Variants in HIVEP1 observed in about 807,000 individuals in gnomAD.
HIVEP1 encodes zinc finger protein 40.
HIVEP1 carries 36 observed loss-of-function variants against 180.0 expected under a neutral mutation model. The ratio of observed to expected loss-of-function variants is 0.20; its 90% CI spans 0.15 to 0.26. The LOEUF (loss-of-function observed/expected upper bound fraction) is 0.26, where lower values mean the gene tolerates loss of function less well. HIVEP1 is among the 10% of genes least tolerant of loss of function. The probability of loss-of-function intolerance (pLI) is 1.00; values close to 1 mark genes in which losing one functional copy is unlikely to be tolerated. For synonymous variants in HIVEP1, 1,239 were observed against 1,239.0 expected (o/e 1.00, Z 0.00); for missense variants, 3,143 against 3,268.7 (o/e 0.96, Z 0.94).
At chr6:12,041,382 A>G (rs1406342520) in intron 2 of HIVEP1, among the ~76,000 whole-genome samples, 1 of 132,678 alleles carries the variant, frequency 7.5e-6, no homozygotes, top group Non-Finnish European at 1.6e-5. Context: ...AGATCCCGCC[A>G]TTGCACTCCA....
In HIVEP1 at chr6:12,122,361, C is replaced by T. The variant is rs1257259334; in HGVS notation, c.2566C>T (p.Pro856Ser). Residue 856 changes from proline to serine, a missense_variant, in exon 4 of 9, where the codon CCT becomes TCT. Physicochemically the swap from Pro to Ser is moderately conservative, Grantham distance 74 (BLOSUM62 -1). Around this residue, in one of 12 missense-constraint regions of HIVEP1, gnomAD observed 204 missense variants for 243.7 expected, o/e 0.84. Coordinates refer to ENST00000379388, the MANE Select transcript of HIVEP1 (RefSeq NM_002114.4). ...GYSAVPANIIPPPHPLRGSQS... is the reference protein window; with the variant it reads ...GYSAVPANIISPPHPLRGSQS... ...TTCAGCAGTACCTGCAAATATAATA[C>T]CTCCTCCTCATCCACTAAGAGGAAG... The T allele has an allele frequency of 1.2e-6, 2 of 1,614,108 alleles. No homozygotes were observed. The highest frequency in any genetic ancestry group is 1.7e-6 in the Non-Finnish European group (2 of 1,179,936).
the HIVEP1 span, among the ~76,000 whole-genome samples, chr6:12,180,415 C>T: frequency 6.6e-6 from 1 of 152,262 alleles, no homozygotes; most frequent in East Asian, 1.9e-4. Flanking sequence ...GTTCTTTATT[C>T]TTATAAACTA....
chr6:12,192,503 G>T, the HIVEP1 span, among the ~76,000 whole-genome samples: 1 of 152,192 alleles, frequency 6.6e-6, no homozygotes, highest in East Asian at 1.9e-4. Context: ...AGTGTTGCGG[G>T]AGGGACCTGG....
intron 7 of HIVEP1, among the ~76,000 whole-genome samples, chr6:12,156,892 G>A (rs1341928264): frequency 6.6e-6 from 1 of 152,054 alleles, no homozygotes; most frequent in Non-Finnish European, 1.5e-5. Context: ...TGTTCTTCCT[G>A]ATTTTCTATT....
At position 12,122,677 on chromosome 6, in the gene HIVEP1, G is replaced by A. The variant is rs1757753598; in HGVS notation, c.2882G>A (p.Cys961Tyr). ...CAAGGGCGAGGGACAATGTTTGAGTGTGAAACTTGTAGAAACAGGTATAGG... is the reference window on the plus strand; with the variant it reads ...CAAGGGCGAGGGACAATGTTTGAGTATGAAACTTGTAGAAACAGGTATAGG... ...SHQGRGTMFE[C>Y]ETCRNRYRKL... The change falls in exon 4 of 9, where the codon TGT becomes TAT. Residue 961 changes from cysteine (C) to tyrosine (Y), a missense_variant. Coordinates refer to ENST00000379388, the MANE Select transcript of HIVEP1 (RefSeq NM_002114.4). The A allele has an allele frequency of 6.2e-7, 1 of 1,614,200 alleles. No homozygotes were observed. The highest frequency in any genetic ancestry group is 1.3e-5 in the African/African-American group (1 of 75,048).
chr6:12,070,640 CTAT>C (rs1337752341), intron 2 of HIVEP1, among the ~76,000 whole-genome samples: 1 of 152,128 alleles, frequency 6.6e-6, no homozygotes, highest in Non-Finnish European at 1.5e-5. Flanking sequence ...ATATGAAAGT[CTAT>C]TATTTAAAAA....
At position 12,163,924 on chromosome 6, in the gene HIVEP1, C is replaced by T; in HGVS notation, c.7620C>T (p.His2540=). The change falls in exon 9 of 9, where the codon CAC becomes CAT. Residue 2540 remains histidine, a synonymous_variant. Transcript: ENST00000379388. The part of the protein sequence containing the change: ...SSQSSPAPQA[H]IPGLQILNIA... ...AAAGCAGCCCCGCCCCTCAGGCACA[C>T]ATTCCAGGTCTCCAGATCTTGAACA... The T allele has an allele frequency of 1.2e-6, 2 of 1,614,168 alleles. No homozygotes were observed. Among genetic ancestry groups the T allele is most frequent in the East Asian group, 2.2e-5 (1 of 44,880 alleles).
At chr6:12,080,922 TA>T (rs1772747444) in intron 2 of HIVEP1, among the ~76,000 whole-genome samples, 1 of 152,178 alleles carries the variant, frequency 6.6e-6, no homozygotes, top group African/African-American at 2.4e-5. Context: ...CTGGATCTTC[TA>T]AAAACCCTTG....
intron 7 of HIVEP1, among the ~76,000 whole-genome samples, chr6:12,158,504 G>T (rs1293328291): frequency 6.6e-6 from 1 of 152,168 alleles, no homozygotes; most frequent in African/African-American, 2.4e-5. Context: ...TCCAAGCACT[G>T]TTTTGTTACC....
chr6:12,167,611 AT>A (rs1760741438), downstream of HIVEP1, among the ~76,000 whole-genome samples: 1 of 144,484 alleles, frequency 6.9e-6, no homozygotes, highest in African/African-American at 2.6e-5. Flanking sequence ...TACATGTTAT[AT>A]TACATGTATA....
intron 2 of HIVEP1, among the ~76,000 whole-genome samples, chr6:12,037,457 A>G (rs1057332765): frequency 2.0e-5 from 3 of 152,192 alleles, no homozygotes; most frequent in Non-Finnish European, 4.4e-5. Context: ...GGTGGCAAAA[A>G]TTAGATTTTC....
intron 1 of HIVEP1, 194 bp downstream of exon 1, chr6:12,012,760 GGGCGCCCTCGCCGCGC>G (rs1767452283): frequency 6.6e-6 from 1 of 152,582 alleles, no homozygotes; most frequent in Non-Finnish European, 1.5e-5. Context: ...TGGCACTTCT[GGGCGCCCTCGCCGCGC>G]GCGAGCCGAG....
At chr6:12,175,518 A>G in the HIVEP1 span, among the ~76,000 whole-genome samples, 2 of 152,264 alleles carry the variant, frequency 1.3e-5, no homozygotes, top group Non-Finnish European at 2.9e-5. Flanking sequence ...AACAGATACT[A>G]ACATTCATTC....
In HIVEP1 at chr6:12,164,490, T is replaced by A. The variant is rs776174267; in HGVS notation, c.*29T>A. The A allele has an allele frequency of 1.4e-5, 22 of 1,519,852 alleles. 1 individual carries two copies. In the African/African-American group the frequency reaches 2.2e-4, roughly 15 times the overall value. The allele number at this position is 1,519,852 out of a possible 1,614,324, so 94.1% of individuals were successfully genotyped here. On this transcript the variant is annotated 3_prime_UTR_variant, in exon 9 of 9. Coordinates refer to ENST00000379388, the MANE Select transcript of HIVEP1 (RefSeq NM_002114.4). ...ATTTTATTTTTTATTTGCTTTTTTT[T>A]TATATAACACTTAAAGGTTTCTTTG... is the stretch of plus-strand genomic sequence containing the variant.
chr6:12,132,128 G>GT (rs1561984881), intron 6 of HIVEP1, among the ~76,000 whole-genome samples: 4 of 152,274 alleles, frequency 2.6e-5, no homozygotes, highest in South Asian at 4.1e-4. Flanking sequence ...TCAGGATGCA[G>GT]TTTTTTAATT....
At chr6:12,091,178 T>C (rs532431550) in intron 3 of HIVEP1, among the ~76,000 whole-genome samples, 2 of 152,278 alleles carry the variant, frequency 1.3e-5, no homozygotes, top group African/African-American at 4.8e-5. Flanking sequence ...TTCTTGCTGA[T>C]ACCTATTTTA....
intron 7 of HIVEP1, among the ~76,000 whole-genome samples, chr6:12,139,804 A>G (rs1758911846): frequency 6.6e-6 from 1 of 152,216 alleles, no homozygotes; most frequent in Admixed American, 6.5e-5. Flanking sequence ...GCCATTGCTG[A>G]GGCTTGAGTA....
At chr6:12,154,163 A>T (rs1287417352) in intron 7 of HIVEP1, among the ~76,000 whole-genome samples, 1 of 152,202 alleles carries the variant, frequency 6.6e-6, no homozygotes, top group African/African-American at 2.4e-5. Flanking sequence ...AGCACCACTG[A>T]ATTTATTCTA....
intron 2 of HIVEP1, among the ~76,000 whole-genome samples, chr6:12,053,670 T>C (rs528178892): frequency 6.6e-6 from 1 of 152,250 alleles, no homozygotes; most frequent in East Asian, 1.9e-4. Flanking sequence ...GGGGATGCTC[T>C]GTTGGGGGCT....
Sources: gnomAD v4.1 joint callset for allele counts (sites outside exome capture counted in the v4.1 genomes callset) on GRCh38, gnomAD v4.1.1 for gene constraint, gnomAD v4.1.1 regional missense constraint, MANE v1.5 for transcripts, NCBI Gene and HGNC (gene_info 2026-07-23, HGNC 2026-07-21) for gene names.